The following RBM19 variants were observed in gnomAD, a reference collection of about 807,000 sequenced individuals.
The protein encoded by RBM19 is probable RNA-binding protein 19.
RBM19 carries 94 observed loss-of-function variants against 116.8 expected under a neutral mutation model. That is an observed-to-expected ratio of 0.80 (90% confidence interval 0.68 to 0.95). RBM19 has a LOEUF of 0.95. RBM19 is among the 40% of genes least tolerant of loss of function. RBM19 has a pLI of 0.00. For missense variants in RBM19, 1,161 were observed against 1,220.7 expected (o/e 0.95, Z 0.73); for synonymous variants, 475 against 494.1 (o/e 0.96, Z 0.51).
intron 16 of RBM19, among the ~76,000 whole-genome samples, chr12:113,936,577 C>T (rs11066829): frequency 0.083 from 12,579 of 152,274 alleles, 653 homozygotes; most frequent in East Asian, 0.17. Context: ...CTATCTGGCC[C>T]CCAGGGGCCA....
rs923750986 is a variant in RBM19 at position 113,939,988 on chromosome 12, T to C, written c.1910A>G (p.Lys637Arg). ...GGAATAGGCCAGATGCCTGAAGGCC[T>C]TGCGGGCCTCCAGGGGCTCCAGGAA... The part of the protein sequence containing the change: ...VEFLEPLEAR[K>R]AFRHLAYSKF... The change falls in exon 15 of 24, where the codon AAG becomes AGG. Residue 637 changes from lysine (K) to arginine (R), a missense_variant. Transcript: ENST00000261741. 3 of 1,613,998 alleles carry C rather than the reference T, an allele frequency of 1.9e-6. No homozygotes were observed. The highest frequency in any genetic ancestry group is 2.5e-6 in the Non-Finnish European group (3 of 1,180,028).
At chr12:113,880,213 C>A (rs1880004646) in intron 21 of RBM19, among the ~76,000 whole-genome samples, 1 of 151,968 alleles carries the variant, frequency 6.6e-6, no homozygotes, top group Non-Finnish European at 1.5e-5. Flanking sequence ...AACAAAAAAA[C>A]CACTTAAAAA....
intron 21 of RBM19, among the ~76,000 whole-genome samples, chr12:113,871,882 C>T (rs1286602225): frequency 6.6e-5 from 10 of 151,998 alleles, no homozygotes; most frequent in African/African-American, 2.4e-4. Flanking sequence ...GGCCGGAGGG[C>T]AAGGAGCAGC....
At chr12:113,833,868 C>T (rs574218481) in intron 23 of RBM19, among the ~76,000 whole-genome samples, 121 of 152,226 alleles carry the variant, frequency 7.9e-4, no homozygotes, top group Non-Finnish European at 1.5e-3. Context: ...CTCAGCCTCC[C>T]GAGTAGCTGG....
At chr12:113,956,077 G>A (rs536670629) in intron 6 of RBM19, among the ~76,000 whole-genome samples, 80 of 152,184 alleles carry the variant, frequency 5.3e-4, no homozygotes, top group African/African-American at 1.9e-3. Context: ...CTCACCCAAG[G>A]ACCAACAGCC....
In RBM19 at chr12:113,931,614, C is replaced by T. The variant is rs183842819; in HGVS notation, c.2069-4385G>A. On this transcript the variant is annotated intron_variant, in intron 16 of 23. Coordinates refer to ENST00000261741, the MANE Select transcript of RBM19 (RefSeq NM_016196.4). ...CCACCTTCCCTGACTTCATCCCTCA[C>T]CCTTTTCCCTTCTCTCCCGTCACCT... Among the ~76,000 whole-genome samples, 432 of 152,264 alleles carry T rather than the reference C, an allele frequency of 2.8e-3. 3 individuals are homozygous for T. Among genetic ancestry groups the T allele is most frequent in the Non-Finnish European group, 3.3e-3 (226 of 68,028 alleles).
Position 113,830,178 on chromosome 12 carries a change from G to T in RBM19, c.2786-6857C>A, listed in dbSNP as rs1593453734. 3.3e-5 allele frequency among the ~76,000 whole-genome samples: 5 copies of T among 152,274 alleles called. 1 individual carries two copies. In the South Asian group the frequency reaches 8.3e-4, roughly 25 times the overall value. On this transcript the variant is annotated intron_variant, in intron 23 of 23. Transcript: ENST00000261741. ...CTAGCCCAGCCTCCCTAGGATGGGG[G>T]TCTCAACAGGAAAAGCATGAACAGA... is the stretch of plus-strand genomic sequence containing the variant.
Position 113,920,677 on chromosome 12 carries a change from G to A in RBM19, c.2319C>T (p.Ser773=). Reference sequence around the variant, plus strand: ...TGTATTCCACAAATCCAAACCCCATGGAAAGGAGCACTCCTGAGAGAGAGA... The same window carrying A: ...TGTATTCCACAAATCCAAACCCCATAGAAAGGAGCACTCCTGAGAGAGAGA... The part of the protein sequence containing the change: ...KKKNKAGVLL[S]MGFGFVEYRK... The change falls in exon 19 of 24, where the codon TCC becomes TCT. Residue 773 remains serine, a synonymous_variant. Transcript: ENST00000261741. 1.9e-6 allele frequency: 3 copies of A among 1,613,908 alleles called. No homozygotes were observed. The highest frequency in any genetic ancestry group is 2.2e-5 in the South Asian group (2 of 91,074).
At chr12:113,966,091 C>G in intron 1 of RBM19, 101 bp downstream of exon 1, 1 of 1,476,554 alleles carries the variant, frequency 6.8e-7, no homozygotes, top group Non-Finnish European at 9.5e-7. Flanking sequence ...GAGTCCTGCC[C>G]CAGAGCAAAA....
intron 21 of RBM19, among the ~76,000 whole-genome samples, chr12:113,906,446 G>T (rs1882051136): frequency 6.6e-6 from 1 of 152,178 alleles, no homozygotes; most frequent in South Asian, 2.1e-4. Context: ...GAGAGTGGCT[G>T]CTCTTGGTGG....
chr12:113,849,972 G>A (rs1330158523), intron 22 of RBM19, among the ~76,000 whole-genome samples: 6 of 152,180 alleles, frequency 3.9e-5, no homozygotes, highest in Non-Finnish European at 1.5e-5. Flanking sequence ...AGAGGTTGGT[G>A]CTGCGTACCT....
intron 23 of RBM19, among the ~76,000 whole-genome samples, chr12:113,835,761 C>T (rs1875823971): frequency 1.3e-5 from 2 of 152,236 alleles, no homozygotes; most frequent in African/African-American, 4.8e-5. Flanking sequence ...GCCAGCCACT[C>T]GCCATGCTGG....
At chr12:113,840,800 C>A (rs1423551613) in intron 23 of RBM19, among the ~76,000 whole-genome samples, 1 of 152,242 alleles carries the variant, frequency 6.6e-6, no homozygotes, top group Non-Finnish European at 1.5e-5. Flanking sequence ...AGGAATATCA[C>A]TTCCTCCCCC....
rs766482551 is a variant in RBM19, at chr12:113,946,405, G to A, written c.1478C>T (p.Ser493Leu). The A allele has an allele frequency of 6.2e-6, 10 of 1,613,974 alleles. No individual in the cohort carries two copies. Among genetic ancestry groups the A allele is most frequent in the Non-Finnish European group, 8.5e-6 (10 of 1,180,018 alleles). ...EASEDASALGSSSYKKKKEAQ... is the reference protein window; with the variant it reads ...EASEDASALGLSSYKKKKEAQ... The stretch of plus-strand genomic sequence containing the variant: ...CTCCTTCTTCTTCTTGTAGGACGAC[G>A]ATCCCAGGGCACTGGCATCCTCGCT... The change falls in exon 12 of 24, where the codon TCG becomes TTG. Residue 493 changes from serine to leucine, a missense_variant. By Grantham distance (145) the Ser-to-Leu change is moderately radical. Transcript: ENST00000261741.
Position 113,962,369 on chromosome 12 carries a change from G to A in RBM19, c.82C>T (p.Leu28=). ...FRQLFAAFGT[L]TDCSLKFTKD... is the part of the protein sequence containing the mutation. ...GTGAACTTCAGGCTGCAGTCTGTCA[G>A]CGTGCCGAAGGCGGCAAACAGCTGC... Residue 28 remains leucine, a synonymous_variant, in exon 2 of 24, where the codon CTG becomes TTG. Transcript: ENST00000261741. The A allele has an allele frequency of 6.2e-7, 1 of 1,614,248 alleles. No homozygotes were observed.
intron 22 of RBM19, among the ~76,000 whole-genome samples, chr12:113,851,225 A>C (rs1307497584): frequency 6.6e-6 from 1 of 152,156 alleles, no homozygotes; most frequent in Non-Finnish European, 1.5e-5. Context: ...TCTAGGAGAG[A>C]CATCCAGGGT....
At chr12:113,879,109 C>T (rs1307000096) in intron 21 of RBM19, among the ~76,000 whole-genome samples, 4 of 152,140 alleles carry the variant, frequency 2.6e-5, no homozygotes, top group Admixed American at 6.5e-5. Context: ...CCCTCCTGGC[C>T]ACCCATCCTG....
chr12:113,945,689 C>T (rs1870946546), intron 13 of RBM19, 139 bp downstream of exon 13: 2 of 671,696 alleles, frequency 3.0e-6, no homozygotes, highest in Non-Finnish European at 5.1e-6. Flanking sequence ...CCTTCCATTC[C>T]AGAGGCCTCT....
chr12:113,938,883 A>G (rs373876045), intron 15 of RBM19, among the ~76,000 whole-genome samples: 3 of 151,154 alleles, frequency 2.0e-5, no homozygotes, highest in Admixed American at 6.6e-5. Context: ...AACCCTGCTG[A>G]CACCTTGATT....
Sources: gnomAD v4.1 joint callset for allele counts (sites outside exome capture counted in the v4.1 genomes callset) on GRCh38, gnomAD v4.1.1 for gene constraint, MANE v1.5 for transcripts, NCBI Gene and HGNC (gene_info 2026-07-23, HGNC 2026-07-21) for gene names.